LRRC4C: variants seen among roughly 807,000 people sequenced by gnomAD.
LRRC4C encodes leucine rich repeat containing 4C.
A neutral mutation model predicts 33.6 loss-of-function variants in LRRC4C; 5 were observed. The ratio of observed to expected loss-of-function variants is 0.15; its 90% CI spans 0.08 to 0.31. The LOEUF (loss-of-function observed/expected upper bound fraction) is 0.31. LRRC4C is among the 10% of genes least tolerant of loss of function. LRRC4C has a pLI of 1.00. For missense variants in LRRC4C, 560 were observed against 796.7 expected (o/e 0.70, Z 3.58); for synonymous variants, 329 against 302.0 (o/e 1.09, Z -0.93).
intron 3 of LRRC4C, among the ~76,000 whole-genome samples, chr11:40,629,081 C>T (rs1963233159): frequency 6.6e-6 from 1 of 152,006 alleles, no homozygotes; most frequent in African/African-American, 2.4e-5. Flanking sequence ...TATTACTTAG[C>T]AAGTTGCAAT....
chr11:40,358,580 C>A (rs950617478), intron 3 of LRRC4C, among the ~76,000 whole-genome samples: 2 of 152,208 alleles, frequency 1.3e-5, no homozygotes, highest in South Asian at 4.1e-4. Context: ...TGCGCCTGGT[C>A]CCCAATCTCT....
chr11:41,264,110 T>TC (rs370672072), intron 1 of LRRC4C, among the ~76,000 whole-genome samples: 2 of 149,414 alleles, frequency 1.3e-5, no homozygotes, highest in East Asian at 3.9e-4. Flanking sequence ...TTTTTTTTTT[T>TC]GAGATGGAGT....
chr11:40,659,017 C>A (rs1218140116), intron 2 of LRRC4C, among the ~76,000 whole-genome samples: 1 of 152,172 alleles, frequency 6.6e-6, no homozygotes, highest in African/African-American at 2.4e-5. Flanking sequence ...TGTTCCCTGG[C>A]ACAGCTGCAG....
intron 2 of LRRC4C, among the ~76,000 whole-genome samples, chr11:40,668,939 G>A (rs775865178): frequency 6.6e-6 from 1 of 152,062 alleles, no homozygotes; most frequent in Non-Finnish European, 1.5e-5. Flanking sequence ...AACTTATAAG[G>A]GCAAACACCT....
At chr11:41,074,904 G>A (rs1443500097) in intron 1 of LRRC4C, among the ~76,000 whole-genome samples, 2 of 151,854 alleles carry the variant, frequency 1.3e-5, no homozygotes, top group South Asian at 2.1e-4. Context: ...GGAGGCCAAC[G>A]AAATGGGCTT....
At chr11:40,707,966 C>T (rs1480383506) in intron 2 of LRRC4C, among the ~76,000 whole-genome samples, 1 of 152,138 alleles carries the variant, frequency 6.6e-6, no homozygotes, top group African/African-American at 2.4e-5. Context: ...AAGAATTCAT[C>T]CATTTCTTCT....
intron 2 of LRRC4C, among the ~76,000 whole-genome samples, chr11:40,860,081 GT>G (rs963991680): frequency 4.3e-5 from 4 of 92,326 alleles, no homozygotes; most frequent in South Asian, 3.6e-4. Flanking sequence ...GCGAGACTCT[GT>G]CCCCCCAAAA....
At chr11:41,002,977 T>G (rs61887623) in intron 1 of LRRC4C, among the ~76,000 whole-genome samples, 27 of 152,196 alleles carry the variant, frequency 1.8e-4, no homozygotes, top group African/African-American at 6.0e-4. Context: ...ATTATACATG[T>G]GTAATATTTA....
intron 1 of LRRC4C, among the ~76,000 whole-genome samples, chr11:41,299,905 G>C (rs947965099): frequency 6.6e-6 from 1 of 152,020 alleles, no homozygotes; most frequent in Non-Finnish European, 1.5e-5. Context: ...ACAAACTGAT[G>C]GTTGATATAT....
intron 2 of LRRC4C, among the ~76,000 whole-genome samples, chr11:40,796,187 G>T (rs1484201004): frequency 6.6e-6 from 1 of 152,194 alleles, no homozygotes; most frequent in Non-Finnish European, 1.5e-5. Context: ...CTGAGTGGGA[G>T]CTTGGGCAGT....
chr11:41,316,011 C>G (rs980495903), intron 1 of LRRC4C, among the ~76,000 whole-genome samples: 1 of 151,974 alleles, frequency 6.6e-6, no homozygotes, highest in Non-Finnish European at 1.5e-5. Context: ...AAATAATGGA[C>G]TAGAATTTTG....
At chr11:40,613,725 G>GCTA (rs1429232262) in intron 3 of LRRC4C, among the ~76,000 whole-genome samples, 1 of 151,794 alleles carries the variant, frequency 6.6e-6, no homozygotes, top group Non-Finnish European at 1.5e-5. Flanking sequence ...GGCAGCTACA[G>GCTA]CCTTATGAAA....
intron 3 of LRRC4C, among the ~76,000 whole-genome samples, chr11:40,575,521 C>T (rs1249436107): frequency 1.3e-5 from 2 of 151,990 alleles, no homozygotes; most frequent in East Asian, 3.9e-4. Flanking sequence ...AGGAAGGGTT[C>T]CAAGAATTAT....
At chr11:40,220,658 C>T (rs944762778) in intron 5 of LRRC4C, among the ~76,000 whole-genome samples, 1 of 151,960 alleles carries the variant, frequency 6.6e-6, no homozygotes, top group Admixed American at 6.6e-5. Context: ...AGAGTTAGAG[C>T]TAATAAATTC....
chr11:40,602,098 G>C (rs560911815), intron 3 of LRRC4C, among the ~76,000 whole-genome samples: 1 of 151,618 alleles, frequency 6.6e-6, no homozygotes, highest in South Asian at 2.1e-4. Context: ...GGGCGGCTGA[G>C]GCAGTAGAAT....
At chr11:41,402,925 T>G (rs2138124633) in intron 1 of LRRC4C, among the ~76,000 whole-genome samples, 1 of 152,234 alleles carries the variant, frequency 6.6e-6, no homozygotes, top group African/African-American at 2.4e-5. Context: ...ATTTAAAATA[T>G]GCAATTTACC....
intron 4 of LRRC4C, among the ~76,000 whole-genome samples, chr11:40,299,389 C>G (rs565009302): frequency 6.6e-6 from 1 of 152,296 alleles, no homozygotes; most frequent in African/African-American, 2.4e-5. Context: ...GACTCTGCCA[C>G]TCACCTTTCT....
intron 1 of LRRC4C, among the ~76,000 whole-genome samples, chr11:41,162,756 T>C (rs1944530672): frequency 6.6e-6 from 1 of 152,238 alleles, no homozygotes; most frequent in African/African-American, 2.4e-5. Context: ...GACTGAAAGT[T>C]GCTTTGGGAG....
At position 40,122,567 on chromosome 11, in the gene LRRC4C, C is replaced by A. The variant is rs147261298; in HGVS notation, c.-42-6233G>T. Reference sequence around the variant, plus strand: ...AATTCTTAATAAATTCTGACCTAATCTTCACAGCTCCACTCACAGACAGTG... The same window carrying A: ...AATTCTTAATAAATTCTGACCTAATATTCACAGCTCCACTCACAGACAGTG... On this transcript the variant is annotated intron_variant, in intron 6 of 6. Transcript: ENST00000528697. 2.0e-3 allele frequency among the ~76,000 whole-genome samples: 309 copies of A among 152,216 alleles called. 1 individual carries two copies. Among genetic ancestry groups the A allele is most frequent in the Middle Eastern group, 6.8e-3 (2 of 294 alleles).
Sources: allele counts gnomAD v4.1 joint callset (sites outside exome capture counted in the v4.1 genomes callset), GRCh38; gene constraint gnomAD v4.1.1; transcripts MANE v1.5; gene names NCBI Gene and HGNC (gene_info 2026-07-23, HGNC 2026-07-21).